Variants in TYW1 observed in about 807,000 individuals in gnomAD.
The protein encoded by TYW1 is S-adenosyl-L-methionine-dependent tRNA 4-demethylwyosine synthase TYW1.
Under a neutral mutation model 96.2 loss-of-function variants are expected in TYW1, and 46 were observed. That is an observed-to-expected ratio of 0.48 (90% CI 0.38 to 0.61). The LOEUF (loss-of-function observed/expected upper bound fraction) is 0.61. Among genes scored for constraint, TYW1 ranks in the 20% least tolerant of loss-of-function variants. The pLI is 0.00. For synonymous variants in TYW1, 274 were observed against 323.0 expected (o/e 0.85, Z 1.63); for missense variants, 684 against 909.6 (o/e 0.75, Z 3.19).
At chr7:67,208,709 A>C (rs1198478655) in intron 15 of TYW1, among the ~76,000 whole-genome samples, 26 of 151,388 alleles carry the variant, frequency 1.7e-4, no homozygotes, top group South Asian at 1.3e-3. Flanking sequence ...AAAAAAAAAA[A>C]CCACAACATT....
At chr7:67,081,491 C>A (rs1420272793) in intron 10 of TYW1, among the ~76,000 whole-genome samples, 4 of 151,502 alleles carry the variant, frequency 2.6e-5, no homozygotes, top group Non-Finnish European at 5.9e-5. Flanking sequence ...CATATCTCTC[C>A]CCAAATGTGG....
At chr7:67,165,827 G>A (rs1254749147) in intron 13 of TYW1, among the ~76,000 whole-genome samples, 3 of 152,160 alleles carry the variant, frequency 2.0e-5, no homozygotes, top group South Asian at 2.1e-4. Flanking sequence ...CTGTTTGGGG[G>A]GCTGAGGCAG....
chr7:67,127,528 C>CT (rs201169880), intron 13 of TYW1, among the ~76,000 whole-genome samples: 10 of 152,098 alleles, frequency 6.6e-5, no homozygotes, highest in Admixed American at 6.5e-5. Flanking sequence ...ACTCATTTTA[C>CT]TTATACATAG....
intron 7 of TYW1, among the ~76,000 whole-genome samples, chr7:67,049,359 T>A (rs1351165587): frequency 6.6e-6 from 1 of 152,070 alleles, no homozygotes; most frequent in Non-Finnish European, 1.5e-5. Flanking sequence ...GTTTGACACT[T>A]AGATAAGTGA....
At chr7:67,132,669 A>G (rs376925125) in intron 13 of TYW1, among the ~76,000 whole-genome samples, 136 of 136,410 alleles carry the variant, frequency 1.0e-3, no homozygotes, top group African/African-American at 4.1e-3. Context: ...TAATCTCCCC[A>G]TTCTTTCCCC....
At position 67,055,899 on chromosome 7, in the gene TYW1, GT is replaced by G. The variant is rs1458230374; in HGVS notation, c.1155+17del. Reference sequence around the variant, plus strand: ...GCAGGTGGACAAAGGTATTTTTTTTGTTTTTATTCAATATGTCTATTACATG... The same window carrying G: ...GCAGGTGGACAAAGGTATTTTTTTTGTTTTATTCAATATGTCTATTACATG... On this transcript the variant is annotated intron_variant, in intron 9 of 15. Coordinates refer to ENST00000359626, the MANE Select transcript of TYW1 (RefSeq NM_018264.4). The G allele has an allele frequency of 1.2e-6, 2 of 1,609,992 alleles. No individual in the cohort carries two copies. The highest frequency in any genetic ancestry group is 1.7e-6 in the Non-Finnish European group (2 of 1,177,650).
At chr7:67,149,746 C>G (rs531040031) in intron 13 of TYW1, among the ~76,000 whole-genome samples, 2 of 82,358 alleles carry the variant, frequency 2.4e-5, no homozygotes, top group South Asian at 4.1e-4. Flanking sequence ...ATCTATCTAT[C>G]TATCTATCTA....
At chr7:67,000,945 AGTT>A (rs910356090) in intron 3 of TYW1, among the ~76,000 whole-genome samples, 6 of 152,098 alleles carry the variant, frequency 3.9e-5, no homozygotes, top group Admixed American at 3.3e-4. Context: ...GTCGAAGGTC[AGTT>A]GTTAAGTTAA....
chr7:67,208,989 T>G (rs1295654072), intron 15 of TYW1, among the ~76,000 whole-genome samples: 1 of 152,206 alleles, frequency 6.6e-6, no homozygotes, highest in Non-Finnish European at 1.5e-5. Flanking sequence ...CTTCTGAGTT[T>G]TGTCATGTAG....
intron 12 of TYW1, among the ~76,000 whole-genome samples, chr7:67,111,564 A>C (rs1263985168): frequency 6.6e-6 from 1 of 152,206 alleles, no homozygotes; most frequent in African/African-American, 2.4e-5. Flanking sequence ...ACTATCACTA[A>C]AGTCTCTCAG....
At chr7:67,194,838 G>A (rs1371074731) in intron 14 of TYW1, among the ~76,000 whole-genome samples, 1 of 145,278 alleles carries the variant, frequency 6.9e-6, no homozygotes. Context: ...CAATTATAGT[G>A]CACAGATGAA....
intron 13 of TYW1, among the ~76,000 whole-genome samples, chr7:67,159,034 G>A (rs1200002707): frequency 1.3e-5 from 2 of 152,038 alleles, no homozygotes; most frequent in African/African-American, 4.8e-5. Flanking sequence ...TTTCTGCTCT[G>A]ACTTTTATAA....
intron 13 of TYW1, among the ~76,000 whole-genome samples, chr7:67,148,899 A>G (rs1798699946): frequency 6.6e-6 from 1 of 152,200 alleles, no homozygotes; most frequent in Non-Finnish European, 1.5e-5. Flanking sequence ...TGAAATTTCA[A>G]ATAGCATTGA....
chr7:67,163,203 A>G (rs1799214699), intron 13 of TYW1, among the ~76,000 whole-genome samples: 1 of 152,114 alleles, frequency 6.6e-6, no homozygotes, highest in Non-Finnish European at 1.5e-5. Context: ...CCAACCTCCA[A>G]AGGATGAGGA....
At chr7:67,202,417 G>C (rs1189776381) in intron 15 of TYW1, among the ~76,000 whole-genome samples, 1 of 151,892 alleles carries the variant, frequency 6.6e-6, no homozygotes, top group African/African-American at 2.4e-5. Context: ...TTGGAGACAG[G>C]GTCTCATCTC....
At chr7:67,137,608 C>G (rs1798306042) in intron 13 of TYW1, among the ~76,000 whole-genome samples, 2 of 152,152 alleles carry the variant, frequency 1.3e-5, no homozygotes, top group Non-Finnish European at 2.9e-5. Context: ...AATGATTCAA[C>G]ACTATGTGGC....
chr7:67,017,887 T>G lies in TYW1; in HGVS notation c.605T>G (p.Leu202Arg). The G allele has an allele frequency of 1.2e-6, 2 of 1,613,762 alleles. 1 individual carries two copies. Among genetic ancestry groups the G allele is most frequent in the Non-Finnish European group, 1.7e-6 (2 of 1,179,692 alleles). The change falls in exon 6 of 16, where the codon CTT becomes CGT. Residue 202 changes from leucine (L) to arginine (R), a missense_variant. By Grantham distance (102) the Leu-to-Arg change is moderately radical. Transcript: ENST00000359626. ...AATGTTGACAAGTGGCTCTGGATGC[T>G]TGGCGCGCATCGTGTGATGAGTCGA... Reference protein sequence around the residue: ...GKNVDKWLWMLGAHRVMSRGE... With the variant: ...GKNVDKWLWMRGAHRVMSRGE...
intron 15 of TYW1, among the ~76,000 whole-genome samples, chr7:67,231,401 A>G (rs1801745105): frequency 6.6e-6 from 1 of 152,184 alleles, no homozygotes; most frequent in African/African-American, 2.4e-5. Context: ...CTTGAGTGAA[A>G]TGTCTCTGGG....
At chr7:67,235,763 A>G (rs13236943) in intron 15 of TYW1, among the ~76,000 whole-genome samples, 40,508 of 151,604 alleles carry the variant, frequency 0.27, 5,771 homozygotes, top group African/African-American at 0.36. Flanking sequence ...GTGTGGTGGC[A>G]GGTGCCAGTA....
Sources: gnomAD v4.1 joint callset for allele counts (sites outside exome capture counted in the v4.1 genomes callset) on GRCh38, gnomAD v4.1.1 for gene constraint, MANE v1.5 for transcripts, NCBI Gene and HGNC (gene_info 2026-07-23, HGNC 2026-07-21) for gene names.